MYO3B: variants seen among roughly 807,000 people sequenced by gnomAD.
MYO3B encodes the protein myosin-IIIb.
MYO3B carries 156 observed loss-of-function variants against 174.6 expected under a neutral mutation model. The ratio of observed to expected loss-of-function variants is 0.89; its 90% CI spans 0.78 to 1.02. The LOEUF (loss-of-function observed/expected upper bound fraction) is 1.02. MYO3B is among the 50% of genes least tolerant of loss of function. MYO3B has a pLI of 0.00. For synonymous variants in MYO3B, 563 were observed against 569.1 expected (o/e 0.99, Z 0.15); for missense variants, 1,632 against 1,639.4 (o/e 1.00, Z 0.08).
At chr2:170,594,333 C>G (rs1160167957) in intron 32 of MYO3B, among the ~76,000 whole-genome samples, 1 of 152,066 alleles carries the variant, frequency 6.6e-6, no homozygotes, top group Admixed American at 6.6e-5. Context: ...CATGGCGAAG[C>G]TAGGGAGAAG....
intron 7 of MYO3B, among the ~76,000 whole-genome samples, chr2:170,240,199 A>G (rs182060928): frequency 6.6e-6 from 1 of 152,298 alleles, no homozygotes; most frequent in Non-Finnish European, 1.5e-5. Flanking sequence ...GAGTAGACAT[A>G]TCTTTTGGGG....
At chr2:170,332,463 T>G (rs1022138226) in intron 7 of MYO3B, among the ~76,000 whole-genome samples, 2 of 152,210 alleles carry the variant, frequency 1.3e-5, no homozygotes, top group African/African-American at 2.4e-5. Context: ...ATGGTTTCCC[T>G]TCACTGGTGT....
intron 3 of MYO3B, among the ~76,000 whole-genome samples, chr2:170,213,876 G>C (rs888935009): frequency 6.6e-6 from 1 of 152,116 alleles, no homozygotes; most frequent in Non-Finnish European, 1.5e-5. Context: ...TGCTGGTTGG[G>C]CTTCTGATAC....
Position 170,401,551 on chromosome 2 carries a change from G to C in MYO3B, c.1989G>C (p.Arg663=). ...EALTSHCVVT[R]GETIIRANTV... is the part of the protein sequence containing the mutation. ...TCACCTCCCACTGTGTGGTCACCCG[G>C]GGCGAGACCATCATCCGTGCCAACA... Residue 663 remains arginine, a synonymous_variant, in exon 18 of 35, where the codon CGG becomes CGC. Transcript: ENST00000408978. 3.1e-6 allele frequency: 5 copies of C among 1,614,144 alleles called. No homozygotes were observed. Among genetic ancestry groups the C allele is most frequent in the Non-Finnish European group, 4.2e-6 (5 of 1,180,018 alleles).
At chr2:170,417,478 C>A (rs1303210560) in intron 22 of MYO3B, among the ~76,000 whole-genome samples, 2 of 152,196 alleles carry the variant, frequency 1.3e-5, no homozygotes, top group Non-Finnish European at 2.9e-5. Flanking sequence ...GACTCCCAAT[C>A]TAAGGCTCTG....
intron 28 of MYO3B, among the ~76,000 whole-genome samples, chr2:170,510,411 G>A (rs1202664217): frequency 6.6e-6 from 1 of 152,058 alleles, no homozygotes; most frequent in East Asian, 1.9e-4. Flanking sequence ...GGAGACACAG[G>A]TCCTTCCTCC....
chr2:170,375,025 A>G (rs1458414335), intron 9 of MYO3B, among the ~76,000 whole-genome samples: 2 of 152,228 alleles, frequency 1.3e-5, no homozygotes, highest in African/African-American at 4.8e-5. Flanking sequence ...AGTAAGCCCT[A>G]AAGGGCTAAA....
rs761656669 is a variant in MYO3B at position 170,199,391 on chromosome 2, TGTAA to T, written c.186+5_186+8del. Reference sequence around the variant, plus strand: ...CAGTGAAAATTCTGGATCCAGTCAGTGTAAGTAACAGTTGTAAATTATAACCAGA... The same window carrying T: ...CAGTGAAAATTCTGGATCCAGTCAGTGTAACAGTTGTAAATTATAACCAGA... On this transcript the variant is annotated splice_donor_variant and splice_donor_region_variant and intron_variant, in intron 2 of 34. Transcript: ENST00000408978. LOFTEE classifies it high-confidence loss of function. The T allele has an allele frequency of 1.3e-6, 2 of 1,597,484 alleles. No homozygotes were observed. The highest frequency in any genetic ancestry group is 1.3e-5 in the African/African-American group (1 of 74,118).
At chr2:170,309,093 C>T (rs1574760066) in intron 7 of MYO3B, among the ~76,000 whole-genome samples, 1 of 152,054 alleles carries the variant, frequency 6.6e-6, no homozygotes, top group African/African-American at 2.4e-5. Flanking sequence ...CCTCTTGAGA[C>T]CTTTAAATAA....
At chr2:170,217,617 T>C (rs773822441) in intron 6 of MYO3B, among the ~76,000 whole-genome samples, 2 of 152,136 alleles carry the variant, frequency 1.3e-5, no homozygotes, top group African/African-American at 2.4e-5. Context: ...CTTCATGCAA[T>C]TAGAAGAAAG....
intron 3 of MYO3B, among the ~76,000 whole-genome samples, chr2:170,202,510 C>T (rs1005332754): frequency 3.3e-5 from 5 of 152,172 alleles, no homozygotes; most frequent in African/African-American, 1.2e-4. Flanking sequence ...GGGACAGAGG[C>T]CCACAGAAGT....
At chr2:170,293,215 T>A (rs2093607479) in intron 7 of MYO3B, among the ~76,000 whole-genome samples, 3 of 152,178 alleles carry the variant, frequency 2.0e-5, no homozygotes, top group Admixed American at 2.0e-4. Flanking sequence ...GAAATGAAGC[T>A]AGATTGTTTC....
At chr2:170,368,410 G>A (rs181236294) in intron 8 of MYO3B, among the ~76,000 whole-genome samples, 2 of 152,338 alleles carry the variant, frequency 1.3e-5, no homozygotes, top group Non-Finnish European at 2.9e-5. Context: ...ATATTCGTCA[G>A]ATTCAATTTC....
At chr2:170,430,142 T>G (rs1240746790) in intron 22 of MYO3B, among the ~76,000 whole-genome samples, 1 of 152,092 alleles carries the variant, frequency 6.6e-6, no homozygotes, top group African/African-American at 2.4e-5. Context: ...TTTGGTATAC[T>G]AGGGGGTACT....
chr2:170,359,030 T>C (rs12468586), intron 8 of MYO3B, among the ~76,000 whole-genome samples: 67,307 of 152,000 alleles, frequency 0.44, 17,866 homozygotes, highest in Admixed American at 0.6. Context: ...AGATGTAGCA[T>C]CACTACAGGC....
At chr2:170,529,486 A>G (rs1376701356) in intron 30 of MYO3B, among the ~76,000 whole-genome samples, 2 of 148,298 alleles carry the variant, frequency 1.3e-5, no homozygotes, top group African/African-American at 5.0e-5. Flanking sequence ...CTCTCCTTAT[A>G]CTATTTATAT....
chr2:170,191,682 C>A (rs1222406993), intron 1 of MYO3B, among the ~76,000 whole-genome samples: 1 of 152,170 alleles, frequency 6.6e-6, no homozygotes, highest in Non-Finnish European at 1.5e-5. Flanking sequence ...TATCTCCGTG[C>A]CACATGACTG....
At chr2:170,232,356 G>C (rs2093024499) in intron 6 of MYO3B, among the ~76,000 whole-genome samples, 1 of 152,226 alleles carries the variant, frequency 6.6e-6, no homozygotes, top group Admixed American at 6.5e-5. Flanking sequence ...ATCCTCTTAA[G>C]AGTGCTTCTT....
intron 32 of MYO3B, among the ~76,000 whole-genome samples, chr2:170,545,979 ATCT>A (rs1435505569): frequency 1.4e-4 from 22 of 152,076 alleles, no homozygotes; most frequent in Non-Finnish European, 3.1e-4. Context: ...TCTGGTCCTA[ATCT>A]TCTTTTCTAG....
Sources: gnomAD v4.1 joint callset for allele counts (sites outside exome capture counted in the v4.1 genomes callset) on GRCh38, gnomAD v4.1.1 for gene constraint, MANE v1.5 for transcripts, NCBI Gene and HGNC (gene_info 2026-07-23, HGNC 2026-07-21) for gene names.